The following TCF20 variants were observed in gnomAD, a reference collection of about 807,000 sequenced individuals.
TCF20 encodes SPRE-binding protein.
TCF20 carries 3 observed loss-of-function variants against 148.6 expected under a neutral mutation model. The observed-to-expected ratio is 0.02, with a 90% CI of 0.01 to 0.05. TCF20 has a LOEUF of 0.05. TCF20 is among the 10% of genes least tolerant of loss of function. The pLI is 1.00. For missense variants in TCF20, 2,350 were observed against 2,429.3 expected (o/e 0.97, Z 0.69); for synonymous variants, 1,049 against 909.5 (o/e 1.15, Z -2.76).
At chr22:42,184,532 CATT>C (rs1372048809) in intron 2 of TCF20, among the ~76,000 whole-genome samples, 2 of 152,090 alleles carry the variant, frequency 1.3e-5, no homozygotes, top group Admixed American at 1.3e-4. Context: ...TAGCTATTTG[CATT>C]ATCATCCTCC....
At chr22:42,289,913 C>T (rs1336960883) in intron 1 of TCF20, among the ~76,000 whole-genome samples, 2 of 152,208 alleles carry the variant, frequency 1.3e-5, no homozygotes, top group Admixed American at 6.5e-5. Context: ...TGCTACTTAG[C>T]GCCAGATTAA....
chr22:42,221,852 C>T (rs1922400933), intron 1 of TCF20, among the ~76,000 whole-genome samples: 1 of 149,942 alleles, frequency 6.7e-6, no homozygotes, highest in African/African-American at 2.5e-5. Flanking sequence ...CATTCTCCTG[C>T]CTCAGCCTCC....
At chr22:42,200,969 C>T (rs1449153757) in intron 2 of TCF20, among the ~76,000 whole-genome samples, 1 of 152,216 alleles carries the variant, frequency 6.6e-6, no homozygotes, top group African/African-American at 2.4e-5. Context: ...CACCAAATCT[C>T]AGGTTGAACT....
At chr22:42,181,920 CAA>C (rs1349580102) in intron 2 of TCF20, among the ~76,000 whole-genome samples, 3 of 151,962 alleles carry the variant, frequency 2.0e-5, no homozygotes, top group African/African-American at 7.3e-5. Context: ...CAAAAAGAGA[CAA>C]GAGGGAGGAA....
intron 2 of TCF20, among the ~76,000 whole-genome samples, chr22:42,184,997 CGTT>C (rs552590820): frequency 1.8e-3 from 270 of 152,334 alleles, no homozygotes; most frequent in African/African-American, 6.2e-3. Flanking sequence ...AGTCAACTAG[CGTT>C]GTTTAATCCT....
At chr22:42,188,321 T>A (rs1224912931) in intron 2 of TCF20, among the ~76,000 whole-genome samples, 497 of 34,246 alleles carry the variant, frequency 0.015, no homozygotes, top group Non-Finnish European at 0.027. Flanking sequence ...AAAAAAAAAA[T>A]CCAGATTCTC....
At chr22:42,245,184 A>G (rs896878373) in intron 1 of TCF20, among the ~76,000 whole-genome samples, 1 of 152,154 alleles carries the variant, frequency 6.6e-6, no homozygotes, top group African/African-American at 2.4e-5. Context: ...CTTCCCCTTT[A>G]GTTATCTCCC....
chr22:42,272,715 T>C (rs976441836), upstream of TCF20, among the ~76,000 whole-genome samples: 1 of 152,198 alleles, frequency 6.6e-6, no homozygotes, highest in African/African-American at 2.4e-5. Context: ...TCTTTATCCC[T>C]GAAAGCCTGC....
At chr22:42,273,527 G>T (rs181304560), upstream of TCF20, among the ~76,000 whole-genome samples, 2 of 151,782 alleles carry the variant, frequency 1.3e-5, no homozygotes, top group Non-Finnish European at 2.9e-5. Flanking sequence ...ATAACTGAGC[G>T]CCCCTTCCTC....
chr22:42,247,509 G>A (rs1925022324), intron 1 of TCF20, among the ~76,000 whole-genome samples: 1 of 151,856 alleles, frequency 6.6e-6, no homozygotes, highest in Non-Finnish European at 1.5e-5. Context: ...GGAAATAAAG[G>A]CACCTCTGGG....
intron 1 of TCF20, among the ~76,000 whole-genome samples, chr22:42,331,268 G>A (rs1410468626): frequency 6.6e-6 from 1 of 152,176 alleles, no homozygotes; most frequent in Non-Finnish European, 1.5e-5. Context: ...GCCACCGGGT[G>A]CTGCACAGCT....
In TCF20 at chr22:42,215,003, T is replaced by C. The variant is rs371854142; in HGVS notation, c.303A>G (p.Thr101=). The C allele has an allele frequency of 8.1e-5, 130 of 1,614,096 alleles. No individual in the cohort carries two copies. Among genetic ancestry groups the C allele is most frequent in the Non-Finnish European group, 1.1e-4 (126 of 1,180,034 alleles). The change falls in exon 2 of 6, where the codon ACA becomes ACG. Residue 101 remains threonine, a synonymous_variant. Transcript: ENST00000677622. ...TTCGCTGAGGAGGCTGTGGGGTTCC[T>C]GTAGTCACGGGGTCTTTGTTGCCTG... is the stretch of plus-strand genomic sequence containing the variant. ...YMAGNKDPVT[T]GTPQPPQRRP... is the part of the protein sequence containing the mutation.
At chr22:42,303,269 G>T (rs1927370492) in intron 1 of TCF20, among the ~76,000 whole-genome samples, 1 of 152,232 alleles carries the variant, frequency 6.6e-6, no homozygotes, top group South Asian at 2.1e-4. Flanking sequence ...GCCAGGTTCT[G>T]CCATGCATCA....
intron 2 of TCF20, among the ~76,000 whole-genome samples, chr22:42,188,341 CTG>C (rs1429979056): frequency 2.1e-5 from 3 of 143,936 alleles, no homozygotes; most frequent in Non-Finnish European, 4.5e-5. Flanking sequence ...CACCCGTGAG[CTG>C]TGTTATGAGG....
chr22:42,327,095 G>A (rs780871272), intron 1 of TCF20, among the ~76,000 whole-genome samples: 1 of 152,226 alleles, frequency 6.6e-6, no homozygotes, highest in Admixed American at 6.5e-5. Context: ...ACGATGAGGC[G>A]AGGGGCTATA....
At chr22:42,330,139 C>T (rs1050303953) in intron 1 of TCF20, among the ~76,000 whole-genome samples, 4 of 152,172 alleles carry the variant, frequency 2.6e-5, no homozygotes, top group Admixed American at 6.5e-5. Flanking sequence ...TGGCCAGGGC[C>T]TCTCAGGGGG....
rs1418133685 is a variant in TCF20 at position 42,225,396 on chromosome 22, T to C, written c.-36-10055A>G. On this transcript the variant is annotated intron_variant, in intron 1 of 5. Transcript: ENST00000677622. ...TTGGGAGGCCGAGGCGGGTGGATCA[T>C]GAGGTCAGGAGATCGAGACCATCCT... is the stretch of plus-strand genomic sequence containing the variant. Among the ~76,000 whole-genome samples the C allele has an allele frequency of 4.0e-5, 6 of 150,694 alleles. No homozygotes were observed. The South Asian group carries it at 8.4e-4, about 21-fold the overall frequency.
intron 5 of TCF20, among the ~76,000 whole-genome samples, chr22:42,162,537 A>G (rs551465642): frequency 6.6e-6 from 1 of 152,250 alleles, no homozygotes; most frequent in African/African-American, 2.4e-5. Context: ...GGGCCATCTG[A>G]TGTGGAAAGG....
chr22:42,305,794 C>T (rs1362516474), intron 1 of TCF20, among the ~76,000 whole-genome samples: 1 of 152,054 alleles, frequency 6.6e-6, no homozygotes, highest in African/African-American at 2.4e-5. Flanking sequence ...CTGGACCTCC[C>T]ACCCCAGATC....
Sources: gnomAD v4.1 joint callset for allele counts (sites outside exome capture counted in the v4.1 genomes callset) on GRCh38, gnomAD v4.1.1 for gene constraint, MANE v1.5 for transcripts, NCBI Gene and HGNC (gene_info 2026-07-23, HGNC 2026-07-21) for gene names.